TRAFD1: variants seen among roughly 807,000 people sequenced by gnomAD.
TRAFD1 encodes the protein TRAF-type zinc finger domain containing 1.
TRAFD1 carries 38 observed loss-of-function variants against 65.3 expected under a neutral mutation model. The ratio of observed to expected loss-of-function variants is 0.58; its 90% CI spans 0.45 to 0.76. TRAFD1 has a LOEUF of 0.76. TRAFD1 is among the 30% of genes least tolerant of loss of function. The pLI, the probability that TRAFD1 is intolerant of heterozygous loss-of-function variation, is 0.00. For missense variants in TRAFD1, 631 were observed against 712.6 expected (o/e 0.89, Z 1.30); for synonymous variants, 223 against 257.2 (o/e 0.87, Z 1.27).
intron 7 of TRAFD1, among the ~76,000 whole-genome samples, chr12:112,146,115 C>CA (rs1248301001): frequency 7.0e-6 from 1 of 142,712 alleles, no homozygotes; most frequent in Non-Finnish European, 1.5e-5. Context: ...CACATGTATA[C>CA]ATATGTAACT....
At chr12:112,145,739 C>T (rs2136978939) in intron 7 of TRAFD1, 77 bp downstream of exon 7, 1 of 1,312,168 alleles carries the variant, frequency 7.6e-7, no homozygotes, top group East Asian at 2.3e-5. Context: ...CACATGAGGC[C>T]TTGAACAAAT....
intron 2 of TRAFD1, 47 bp from the exon 3 acceptor site, chr12:112,134,691 T>TA (rs1566047736): frequency 6.3e-7 from 1 of 1,591,260 alleles, no homozygotes; most frequent in Non-Finnish European, 8.6e-7. Context: ...AGAAAAGGCA[T>TA]AGATTAGTCA....
intron 2 of TRAFD1, among the ~76,000 whole-genome samples, chr12:112,131,877 G>T (rs893385313): frequency 9.2e-5 from 14 of 152,190 alleles, no homozygotes; most frequent in African/African-American, 3.1e-4. Flanking sequence ...AGGTGAATAT[G>T]TGCAATAGTA....
chr12:112,147,119 C>A (rs1375675079), intron 7 of TRAFD1, among the ~76,000 whole-genome samples: 1 of 149,822 alleles, frequency 6.7e-6, no homozygotes, highest in Non-Finnish European at 1.5e-5. Flanking sequence ...CCTGCCTTAG[C>A]CTCCAGGGTA....
chr12:112,145,490 C>T (rs2030213583), intron 6 of TRAFD1, 96 bp from the exon 7 acceptor site: 1 of 1,249,336 alleles, frequency 8.0e-7, no homozygotes, highest in Non-Finnish European at 1.1e-6. Context: ...TTAAAGAAAG[C>T]CAAACTTCTA....
At chr12:112,138,996 A>G (rs1231662430) in intron 4 of TRAFD1, among the ~76,000 whole-genome samples, 4 of 152,144 alleles carry the variant, frequency 2.6e-5, no homozygotes, top group Non-Finnish European at 2.9e-5. Context: ...TAGCAGAGGA[A>G]CAGGGGAGAA....
intron 8 of TRAFD1, among the ~76,000 whole-genome samples, chr12:112,149,051 C>G (rs947238425): frequency 1.3e-5 from 2 of 152,050 alleles, no homozygotes; most frequent in Non-Finnish European, 2.9e-5. Context: ...AACCCCATCT[C>G]TACCAAAAAT....
chr12:112,152,478 C>G lies in TRAFD1; in HGVS notation c.1671C>G (p.Asn557Lys). ...RNSRVTPAAA[N>K]YRSRTAKAKP... ...CCCGGGTCACCCCTGCAGCTGCCAA[C>G]TACCGCAGCAGAACTGCAAAGGTAA... Residue 557 changes from asparagine to lysine, a missense_variant, in exon 11 of 12, where the codon AAC becomes AAG. Coordinates refer to ENST00000412615, the MANE Select transcript of TRAFD1 (RefSeq NM_006700.3). This position sits in a 1 kb window ranked among gnomAD's most constrained non-coding sequence, Gnocchi z 5.0. 3 of 1,614,046 alleles carry G rather than the reference C, an allele frequency of 1.9e-6. No homozygotes were observed. Among genetic ancestry groups the G allele is most frequent in the Non-Finnish European group, 2.5e-6 (3 of 1,180,052 alleles).
intron 6 of TRAFD1, among the ~76,000 whole-genome samples, chr12:112,144,638 TGGGAGGCTGAGAC>T (rs2030188928): frequency 6.6e-6 from 1 of 152,162 alleles, no homozygotes; most frequent in Admixed American, 6.5e-5. Flanking sequence ...CCCAACACTT[TGGGAGGCTGAGAC>T]GGGAGGTTCA....
chr12:112,136,005 G>A (rs894603766), intron 4 of TRAFD1, among the ~76,000 whole-genome samples: 11 of 151,302 alleles, frequency 7.3e-5, no homozygotes, highest in African/African-American at 2.7e-4. Flanking sequence ...AGCTGGGCGT[G>A]GAGGTGTGTG....
At chr12:112,135,827 T>G (rs910505990) in intron 4 of TRAFD1, among the ~76,000 whole-genome samples, 4 of 140,526 alleles carry the variant, frequency 2.8e-5, no homozygotes, top group African/African-American at 1.1e-4. Context: ...GGCCAAAGGT[T>G]TTTTTTTTTT....
In TRAFD1 at chr12:112,141,848, A is replaced by T. The variant is rs1035996820; in HGVS notation, c.644-241A>T. On this transcript the variant is annotated intron_variant, in intron 5 of 11. Coordinates refer to ENST00000412615, the MANE Select transcript of TRAFD1 (RefSeq NM_006700.3). ...ATGTTTAGCACAGTGCCTGTCTCAT[A>T]ATTATGGCTCAGTAATATTGCTTAA... is the stretch of plus-strand genomic sequence containing the variant. 8.3e-6 allele frequency: 4 copies of T among 483,586 alleles called. No homozygotes were observed. In the Admixed American group the frequency reaches 1.0e-4, roughly 12 times the overall value. The allele number at this position is 483,586 out of a possible 1,614,324, so 30.0% of individuals were successfully genotyped here.
chr12:112,126,421 C>T lies in TRAFD1; in HGVS notation c.-13+803C>T, dbSNP rs865964387. ...TTTCCTTGACCCTTTGAAGTATTGTCAGTCCTCTGCCTGAAGAATCTGAGG... is the reference window on the plus strand; with the variant it reads ...TTTCCTTGACCCTTTGAAGTATTGTTAGTCCTCTGCCTGAAGAATCTGAGG... On this transcript the variant is annotated intron_variant, in intron 1 of 11. Transcript: ENST00000412615. Among the ~76,000 whole-genome samples the T allele has an allele frequency of 2.0e-5, 3 of 152,168 alleles. No homozygotes were observed. The South Asian group carries it at 6.2e-4, about 32-fold the overall frequency.
At position 112,152,257 on chromosome 12, in the gene TRAFD1, G is replaced by C; in HGVS notation, c.1619+117G>C. 2.1e-6 allele frequency: 3 copies of C among 1,408,114 alleles called. No homozygotes were observed. Among genetic ancestry groups the C allele is most frequent in the Non-Finnish European group, 2.9e-6 (3 of 1,033,420 alleles). 87.2% of individuals were successfully genotyped at this position (1,408,114 alleles called of 1,614,324 possible). ...CTGAGGTACTTGCATGGTAAGGGGA[G>C]GAGTATGGATTTTCCCTGTATTGTC... is the stretch of plus-strand genomic sequence containing the variant. On this transcript the variant is annotated intron_variant, in intron 10 of 11. Coordinates refer to ENST00000412615, the MANE Select transcript of TRAFD1 (RefSeq NM_006700.3). This position sits in a 1 kb window ranked among gnomAD's most constrained non-coding sequence, Gnocchi z 5.0.
At chr12:112,138,997 C>T (rs2030003719) in intron 4 of TRAFD1, among the ~76,000 whole-genome samples, 1 of 151,808 alleles carries the variant, frequency 6.6e-6, no homozygotes, top group South Asian at 2.1e-4. Context: ...AGCAGAGGAA[C>T]AGGGGAGAAG....
chr12:112,140,950 C>G lies in TRAFD1; in HGVS notation c.369C>G (p.Val123=). ...TATGTGGCAACTGTGGTCGCAATGT[C>G]CTTGTGAAAGATCTGAAGACTCACC... is the stretch of plus-strand genomic sequence containing the variant. ...TELCGNCGRN[V]LVKDLKTHPE... The change falls in exon 5 of 12, where the codon GTC becomes GTG. Residue 123 remains valine (V), a synonymous_variant. Coordinates refer to ENST00000412615, the MANE Select transcript of TRAFD1 (RefSeq NM_006700.3). 1 of 1,614,116 alleles carries G rather than the reference C, an allele frequency of 6.2e-7. No individual in the cohort carries two copies. The highest frequency in any genetic ancestry group is 1.1e-5 in the South Asian group (1 of 91,088).
chr12:112,128,511 G>T (rs118171751), intron 1 of TRAFD1, among the ~76,000 whole-genome samples: 7 of 152,152 alleles, frequency 4.6e-5, no homozygotes, highest in African/African-American at 1.7e-4. Flanking sequence ...TTGACATCTT[G>T]TTTAAAAAGC....
chr12:112,146,987 G>GTTTTTTTTTTT (rs547077120), intron 7 of TRAFD1, among the ~76,000 whole-genome samples: 4 of 52,528 alleles, frequency 7.6e-5, no homozygotes, highest in African/African-American at 1.6e-4. Flanking sequence ...GGGAACTTCT[G>GTTTTTTTTTTT]TTTTTTTTTT....
chr12:112,152,164 G>A lies in TRAFD1; in HGVS notation c.1619+24G>A, dbSNP rs2030428283. 10 of 1,595,678 alleles carry A rather than the reference G, an allele frequency of 6.3e-6. No individual in the cohort carries two copies. The highest frequency in any genetic ancestry group is 7.7e-6 in the Non-Finnish European group (9 of 1,169,908). On this transcript the variant is annotated intron_variant, in intron 10 of 11. Transcript: ENST00000412615. The surrounding 1 kb of genome is among the most constrained non-coding windows in gnomAD (Gnocchi z 5.0). ...AGGTAAGAATCAGTAGCCCAGGAAT[G>A]GGGCTTGGGAGTAGCTGAAGCGAAC...
Sources: gnomAD v4.1 joint callset for allele counts (sites outside exome capture counted in the v4.1 genomes callset) on GRCh38, gnomAD v4.1.1 for gene constraint, Gnocchi (gnomAD v3.1) non-coding constraint, MANE v1.5 for transcripts, NCBI Gene and HGNC (gene_info 2026-07-23, HGNC 2026-07-21) for gene names.